The following BMPER variants were observed in gnomAD, a reference collection of about 807,000 sequenced individuals.
BMPER encodes the protein BMP binding endothelial regulator, also known as BMP-binding endothelial regulator protein.
A neutral mutation model predicts 87.3 loss-of-function variants in BMPER; 45 were observed. The ratio of observed to expected loss-of-function variants is 0.52; its 90% confidence interval spans 0.41 to 0.66. The LOEUF is 0.66. Among genes scored for constraint, BMPER ranks in the 30% least tolerant of loss-of-function variants. The pLI is 0.00. For synonymous variants in BMPER, 326 were observed against 316.2 expected, an observed-to-expected ratio of 1.03 and a Z score of -0.33; for missense variants, 784 against 867.5, an observed-to-expected ratio of 0.90 and a Z score of 1.21.
chr7:33,941,044 TA>T (rs1229990953), intron 3 of BMPER, among the ~76,000 whole-genome samples: 17 of 135,518 alleles, frequency 1.3e-4, no homozygotes, highest in Non-Finnish European at 2.5e-4. Flanking sequence ...TATTTATATA[TA>T]ATTTATATGT....
chr7:34,046,276 A>G, intron 6 of BMPER, 30 bp from the exon 7 acceptor site: 1 of 1,601,262 alleles, frequency 6.2e-7, no homozygotes, highest in East Asian at 2.2e-5. Flanking sequence ...TACTTTTCTA[A>G]ATATGCTTTT....
intron 6 of BMPER, among the ~76,000 whole-genome samples, chr7:33,981,655 G>A (rs949221835): frequency 1.3e-5 from 2 of 152,144 alleles, no homozygotes; most frequent in Non-Finnish European, 2.9e-5. Context: ...TGAACAAATG[G>A]ATGCTGGTTT....
At chr7:34,061,862 G>A (rs912399971) in intron 10 of BMPER, 140 bp from the exon 11 acceptor site, 1 of 705,586 alleles carries the variant, frequency 1.4e-6, no homozygotes, top group Non-Finnish European at 2.4e-6. Context: ...ATCACCATCT[G>A]GGCATTGAGT....
At chr7:34,109,283 A>G (rs529825627) in intron 13 of BMPER, among the ~76,000 whole-genome samples, 1 of 152,170 alleles carries the variant, frequency 6.6e-6, no homozygotes, top group African/African-American at 2.4e-5. Flanking sequence ...GTAAGGAGGA[A>G]TTCTCTCTTA....
rs145113238 is a variant in BMPER, at chr7:33,955,816, C to T, written c.320-10663C>T. Among the ~76,000 whole-genome samples, 319 of 152,182 alleles carry T rather than the reference C, an allele frequency of 2.1e-3. 2 individuals are homozygous for T. The highest frequency in any genetic ancestry group is 7.4e-3 in the African/African-American group (308 of 41,520). On this transcript the variant is annotated intron_variant, in intron 3 of 14. Transcript: ENST00000649409. ...GGAATCAGTCTACCCAATTTCAAAGCGTGTAGTACAGCTACAGTAATAAAG... is the reference window on the plus strand; with the variant it reads ...GGAATCAGTCTACCCAATTTCAAAGTGTGTAGTACAGCTACAGTAATAAAG...
At chr7:34,099,597 G>A (rs564144693) in intron 13 of BMPER, among the ~76,000 whole-genome samples, 8 of 152,014 alleles carry the variant, frequency 5.3e-5, no homozygotes, top group Non-Finnish European at 1.2e-4. Flanking sequence ...TCGAAATGGT[G>A]GCCATTCTCT....
chr7:33,930,597 G>C (rs1452675141), intron 2 of BMPER, among the ~76,000 whole-genome samples: 1 of 152,092 alleles, frequency 6.6e-6, no homozygotes, highest in African/African-American at 2.4e-5. Context: ...GAATGTTCTA[G>C]AGAGGTCATC....
chr7:34,019,599 A>G (rs1001750862), intron 6 of BMPER, among the ~76,000 whole-genome samples: 1 of 152,030 alleles, frequency 6.6e-6, no homozygotes, highest in Non-Finnish European at 1.5e-5. Flanking sequence ...TCTCTCTCAT[A>G]TCTGATGGAG....
At chr7:34,148,505 G>A (rs538449171) in intron 14 of BMPER, among the ~76,000 whole-genome samples, 1 of 150,118 alleles carries the variant, frequency 6.7e-6, no homozygotes, top group East Asian at 2.0e-4. Context: ...AGGCTTAAGA[G>A]ACTGCCTGGC....
chr7:34,116,796 C>T (rs1163922565), intron 13 of BMPER, among the ~76,000 whole-genome samples: 1 of 152,084 alleles, frequency 6.6e-6, no homozygotes, highest in Admixed American at 6.5e-5. Context: ...TTGAGACCAG[C>T]CTGGCCAACA....
intron 6 of BMPER, among the ~76,000 whole-genome samples, chr7:33,983,234 T>C (rs181854932): frequency 1.6e-4 from 24 of 152,272 alleles, no homozygotes; most frequent in African/African-American, 5.5e-4. Context: ...CCCTCATGTA[T>C]GTTTTTATTT....
intron 6 of BMPER, among the ~76,000 whole-genome samples, chr7:33,993,324 TTC>T (rs1333609747): frequency 6.6e-6 from 1 of 151,412 alleles, no homozygotes; most frequent in African/African-American, 2.4e-5. Context: ...TTTCTTTTTA[TTC>T]TTTTTTCTCT....
At chr7:34,098,296 C>G (rs1267967462) in intron 13 of BMPER, among the ~76,000 whole-genome samples, 1 of 152,048 alleles carries the variant, frequency 6.6e-6, no homozygotes, top group Non-Finnish European at 1.5e-5. Flanking sequence ...CAGAGCTGCC[C>G]AAATTCTCTC....
chr7:34,080,106 T>C (rs1282137813), intron 12 of BMPER, among the ~76,000 whole-genome samples: 3 of 152,228 alleles, frequency 2.0e-5, no homozygotes, highest in African/African-American at 7.2e-5. Flanking sequence ...TGGCATACTC[T>C]ATTTTTTTAA....
At chr7:33,965,187 A>G (rs754602981) in intron 3 of BMPER, among the ~76,000 whole-genome samples, 3 of 152,228 alleles carry the variant, frequency 2.0e-5, no homozygotes, top group South Asian at 2.1e-4. Context: ...TAAAAAATAT[A>G]TAGTGAAAGC....
At chr7:33,923,374 G>A (rs1314626306) in intron 2 of BMPER, among the ~76,000 whole-genome samples, 1 of 152,176 alleles carries the variant, frequency 6.6e-6, no homozygotes. Flanking sequence ...GCTCTAGTGG[G>A]TCTGTGCCCT....
intron 6 of BMPER, among the ~76,000 whole-genome samples, chr7:34,030,211 T>C (rs756610322): frequency 1.3e-5 from 2 of 152,046 alleles, no homozygotes; most frequent in Non-Finnish European, 2.9e-5. Context: ...TATATAGACT[T>C]GTTTAACTAA....
intron 13 of BMPER, among the ~76,000 whole-genome samples, chr7:34,104,514 T>C (rs962987939): frequency 1.3e-5 from 2 of 151,704 alleles, no homozygotes; most frequent in African/African-American, 2.4e-5. Context: ...TGTTCATGGG[T>C]TTTTTTTGGC....
Position 33,937,333 on chromosome 7 carries a change from CCGAGA to C in BMPER, c.266_270del (p.Arg89LeufsTer13), listed in dbSNP as rs1434825970. 1.2e-6 allele frequency: 2 copies of C among 1,614,066 alleles called. No individual in the cohort carries two copies. The highest frequency in any genetic ancestry group is 2.7e-5 in the African/African-American group (2 of 74,922). Reference sequence around the variant, plus strand: ...AGAGAGAGAAGTGCCCCGTGCTGTCCCGAGACTGTGCCCTGGCCATCAAGCAGAGG... The same window carrying C: ...AGAGAGAGAAGTGCCCCGTGCTGTCCCTGTGCCCTGGCCATCAAGCAGAGG... On this transcript the variant is annotated frameshift_variant, in exon 3 of 15. Transcript: ENST00000649409. LOFTEE classifies it high-confidence loss of function.
Sources: allele counts gnomAD v4.1 joint callset (sites outside exome capture counted in the v4.1 genomes callset), GRCh38; gene constraint gnomAD v4.1.1; transcripts MANE v1.5; gene names NCBI Gene and HGNC (gene_info 2026-07-23, HGNC 2026-07-21).